PHF21A: variants seen among roughly 807,000 people sequenced by gnomAD.
PHF21A encodes the protein BHC80a.
Under a neutral mutation model 82.5 loss-of-function variants are expected in PHF21A, and 11 were observed. The ratio of observed to expected loss-of-function variants is 0.13; its 90% CI spans 0.08 to 0.22. The LOEUF is 0.22. Among genes scored for constraint, PHF21A ranks in the 10% least tolerant of loss-of-function variants. The pLI is 1.00. For missense variants in PHF21A, 579 were observed against 837.8 expected (o/e 0.69, Z 3.81); for synonymous variants, 297 against 302.8 (o/e 0.98, Z 0.20).
At chr11:46,004,448 G>C (rs2095241797) in intron 6 of PHF21A, among the ~76,000 whole-genome samples, 2 of 152,146 alleles carry the variant, frequency 1.3e-5, no homozygotes, top group Non-Finnish European at 2.9e-5. Context: ...GAGTAGGGAA[G>C]GGGTAGAGGA....
intron 1 of PHF21A, among the ~76,000 whole-genome samples, chr11:46,106,716 G>A (rs1335761576): frequency 6.6e-6 from 1 of 152,196 alleles, no homozygotes; most frequent in Non-Finnish European, 1.5e-5. Flanking sequence ...CAGGCACAGA[G>A]AAGACGCTTA....
chr11:46,092,376 A>C (rs1305769298), intron 1 of PHF21A, among the ~76,000 whole-genome samples, 153 bp from the exon 2 acceptor site: 3 of 152,226 alleles, frequency 2.0e-5, no homozygotes, highest in African/African-American at 7.2e-5. Flanking sequence ...AGAAAAAAAG[A>C]AGCAATAGGT....
intron 6 of PHF21A, among the ~76,000 whole-genome samples, chr11:46,053,875 T>A (rs2096408699): frequency 6.6e-6 from 1 of 152,192 alleles, no homozygotes; most frequent in Non-Finnish European, 1.5e-5. Flanking sequence ...ACTATGACCT[T>A]GCTCTGCTGC....
intron 16 of PHF21A, among the ~76,000 whole-genome samples, chr11:45,937,908 T>C (rs899155211): frequency 1.3e-5 from 2 of 152,246 alleles, no homozygotes; most frequent in Non-Finnish European, 2.9e-5. Context: ...TTAAAGGGTC[T>C]TGACTTTTAA....
chr11:46,024,414 A>C (rs1399508108), intron 6 of PHF21A, among the ~76,000 whole-genome samples: 1 of 152,078 alleles, frequency 6.6e-6, no homozygotes, highest in African/African-American at 2.4e-5. Flanking sequence ...CAATGCTTTT[A>C]ATTGCTTTTT....
chr11:46,047,144 C>T (rs2096270288), intron 6 of PHF21A, among the ~76,000 whole-genome samples: 2 of 152,118 alleles, frequency 1.3e-5, no homozygotes, highest in East Asian at 3.8e-4. Flanking sequence ...AGAGTATGGA[C>T]CCAGTCTGAG....
intron 14 of PHF21A, 96 bp downstream of exon 14, chr11:45,948,790 G>A: frequency 2.4e-6 from 2 of 850,738 alleles, no homozygotes; most frequent in East Asian, 2.4e-5. Context: ...GGATAGAGGA[G>A]TTAGGTCCTA....
chr11:46,024,096 C>A (rs760489313), intron 6 of PHF21A, among the ~76,000 whole-genome samples: 1 of 152,182 alleles, frequency 6.6e-6, no homozygotes, highest in Non-Finnish European at 1.5e-5. Context: ...AAGGAAAGGG[C>A]AAGGTGGTGT....
intron 6 of PHF21A, among the ~76,000 whole-genome samples, chr11:46,000,824 G>A (rs2095098043): frequency 6.6e-6 from 1 of 152,076 alleles, no homozygotes; most frequent in South Asian, 2.1e-4. Context: ...GGAGGCTGAG[G>A]CAGGAGGATC....
intron 9 of PHF21A, among the ~76,000 whole-genome samples, chr11:45,967,990 G>A (rs1177511464): frequency 6.6e-6 from 1 of 152,150 alleles, no homozygotes; most frequent in African/African-American, 2.4e-5. Context: ...CAACAAGTGG[G>A]TCATGATCCA....
At chr11:46,039,853 C>T (rs1406381743) in intron 6 of PHF21A, among the ~76,000 whole-genome samples, 7 of 152,180 alleles carry the variant, frequency 4.6e-5, no homozygotes, top group Non-Finnish European at 2.9e-5. Context: ...TTAAAAATAT[C>T]TGCATGAATG....
intron 18 of PHF21A, chr11:45,935,380 A>C: frequency 1.3e-6 from 1 of 792,978 alleles, no homozygotes; most frequent in Non-Finnish European, 2.0e-6. Context: ...ATTCAGCCTG[A>C]AGACTGAAAA....
intron 6 of PHF21A, among the ~76,000 whole-genome samples, chr11:46,005,757 T>G (rs1483007514): frequency 6.6e-6 from 1 of 152,196 alleles, no homozygotes; most frequent in Non-Finnish European, 1.5e-5. Context: ...ACAATTAAGC[T>G]TCCATAGCTC....
chr11:46,103,002 G>A (rs1364481498), intron 1 of PHF21A, among the ~76,000 whole-genome samples: 5 of 152,154 alleles, frequency 3.3e-5, no homozygotes, highest in Admixed American at 1.3e-4. Flanking sequence ...AGCAGGAGAG[G>A]AAAGGCAACA....
intron 7 of PHF21A, among the ~76,000 whole-genome samples, chr11:45,977,136 A>ATT (rs1232628402): frequency 4.6e-4 from 59 of 128,064 alleles, no homozygotes; most frequent in African/African-American, 1.1e-3. Flanking sequence ...GCTTCCTTTG[A>ATT]TTTTTTTTTT....
intron 15 of PHF21A, among the ~76,000 whole-genome samples, chr11:45,941,872 T>C (rs1428266715): frequency 2.0e-5 from 3 of 152,268 alleles, no homozygotes; most frequent in Admixed American, 2.0e-4. Context: ...TTTATAATTA[T>C]GTTAACGTAT....
At chr11:45,943,367 C>T (rs757254710) in intron 15 of PHF21A, among the ~76,000 whole-genome samples, 3 of 152,024 alleles carry the variant, frequency 2.0e-5, no homozygotes, top group Non-Finnish European at 4.4e-5. Flanking sequence ...TTTGTAGAGA[C>T]AGGGGTCTTG....
Position 45,932,552 on chromosome 11 carries a change from A to G in PHF21A, c.*1416T>C, listed in dbSNP as rs1342284434. 6.6e-6 allele frequency: 1 copy of G among 152,556 alleles called. No homozygotes were observed. Among genetic ancestry groups the G allele is most frequent in the African/African-American group, 2.4e-5 (1 of 41,438 alleles). The allele number at this position is 152,556 out of a possible 1,614,324, so 9.5% of individuals were successfully genotyped here. ...GGGTCTGTGCTAAAAAATTATAACT[A>G]CACGGCATTTTCTCCAGTTCTGACA... On this transcript the variant is annotated 3_prime_UTR_variant, in exon 19 of 19. Coordinates refer to ENST00000676320, the MANE Select transcript of PHF21A (RefSeq NM_001352027.3). The surrounding 1 kb of genome is among the most constrained non-coding windows in gnomAD (Gnocchi z 4.3).
intron 6 of PHF21A, among the ~76,000 whole-genome samples, chr11:46,011,375 G>A (rs2137383692): frequency 6.6e-6 from 1 of 152,210 alleles, no homozygotes; most frequent in South Asian, 2.1e-4. Flanking sequence ...TGTAATCCCA[G>A]GTACTTAGGA....
Sources: allele counts gnomAD v4.1 joint callset (sites outside exome capture counted in the v4.1 genomes callset), GRCh38; gene constraint gnomAD v4.1.1; non-coding constraint Gnocchi (gnomAD v3.1); transcripts MANE v1.5; gene names NCBI Gene and HGNC (gene_info 2026-07-23, HGNC 2026-07-21).